Variants in GNE observed in about 807,000 individuals in gnomAD.
GNE encodes the protein bifunctional UDP-N-acetylglucosamine 2-epimerase/N-acetylmannosamine kinase.
In GNE, 41 loss-of-function variants were observed where a neutral mutation model predicts 61.8. That is an observed-to-expected ratio of 0.66 (90% CI 0.52 to 0.86). The LOEUF is 0.86. GNE is among the 40% of genes least tolerant of loss of function. The pLI, the probability that GNE is intolerant of heterozygous loss-of-function variation, is 0.00. For synonymous variants in GNE, 264 were observed against 326.4 expected, an observed-to-expected ratio of 0.81 and a Z score of 2.06; for missense variants, 608 against 909.1, an observed-to-expected ratio of 0.67 and a Z score of 4.26.
At chr9:36,266,007 G>T (rs1830768950) in intron 1 of GNE, among the ~76,000 whole-genome samples, 2 of 152,008 alleles carry the variant, frequency 1.3e-5, no homozygotes, top group South Asian at 4.2e-4. Flanking sequence ...TTGGCTTCTT[G>T]GCTCACTGTA....
At chr9:36,254,602 ATC>A (rs1212194055) in intron 1 of GNE, among the ~76,000 whole-genome samples, 19 of 152,116 alleles carry the variant, frequency 1.2e-4, no homozygotes, top group Non-Finnish European at 2.5e-4. Context: ...ATCACTTTTC[ATC>A]AGTACTTACA....
intron 7 of GNE, 123 bp from the exon 8 acceptor site, chr9:36,223,625 C>G: frequency 9.9e-7 from 1 of 1,007,552 alleles, no homozygotes; most frequent in South Asian, 1.4e-5. Flanking sequence ...TCTTAGATGA[C>G]TGCTTGGGGA....
intron 7 of GNE, among the ~76,000 whole-genome samples, chr9:36,224,743 G>A (rs1007242252): frequency 4.8e-4 from 73 of 152,204 alleles, no homozygotes; most frequent in African/African-American, 1.5e-3. Context: ...GGTGGCACAC[G>A]CCTGTAGTCT....
rs759367907 is a variant in GNE, at chr9:36,218,239, TG to T, written c.1876del (p.His626IlefsTer17). 2 of 1,614,082 alleles carry T rather than the reference TG, an allele frequency of 1.2e-6. No individual in the cohort carries two copies. The highest frequency in any genetic ancestry group is 1.7e-6 in the Non-Finnish European group (2 of 1,179,982). On this transcript the variant is annotated frameshift_variant, in exon 11 of 12. Coordinates refer to ENST00000642385, the MANE Select transcript of GNE (RefSeq NM_005476.7). LOFTEE classifies it high-confidence loss of function. The surrounding 1 kb of genome is among the most constrained non-coding windows in gnomAD (Gnocchi z 4.1). ...GCCAAGTTTCGCAGCTTGGATGAGA[TG>T]GAGCGCACCCACAGCCTCATCTTTT... ...VPKDEAVGAL[H>X]LIQAAKLGNA...
At chr9:36,251,022 T>A (rs1830088597) in intron 1 of GNE, among the ~76,000 whole-genome samples, 1 of 152,056 alleles carries the variant, frequency 6.6e-6, no homozygotes, top group African/African-American at 2.4e-5. Flanking sequence ...CACCATCTCT[T>A]CCCTGCCTAA....
intron 9 of GNE, among the ~76,000 whole-genome samples, chr9:36,222,213 T>A (rs890879986): frequency 9.2e-5 from 14 of 151,602 alleles, no homozygotes; most frequent in African/African-American, 3.2e-4. Flanking sequence ...GGTCAGGAGA[T>A]CGAGACCATC....
chr9:36,258,692 G>T (rs1193650248), upstream of GNE, among the ~76,000 whole-genome samples: 1 of 152,212 alleles, frequency 6.6e-6, no homozygotes, highest in Non-Finnish European at 1.5e-5. Flanking sequence ...TTGTGCTCCC[G>T]CCCCGAAGCG....
Position 36,215,699 on chromosome 9 carries a change from A to T in GNE, c.*1666T>A, listed in dbSNP as rs1828242661. ...GTTCAGAGCCTGGCACACAGTAGGC[A>T]CTTAATAAGTGGTGGCAGTTAGTAT... On this transcript the variant is annotated 3_prime_UTR_variant, in exon 12 of 12. Transcript: ENST00000642385. 6.6e-6 allele frequency: 1 copy of T among 152,494 alleles called. No individual in the cohort carries two copies. Among genetic ancestry groups the T allele is most frequent in the African/African-American group, 2.4e-5 (1 of 41,462 alleles). 9.4% of individuals were successfully genotyped at this position (152,494 alleles called of 1,614,324 possible).
chr9:36,249,325 G>A lies in GNE; in HGVS notation c.31C>T (p.Arg11Trp), dbSNP rs769716748. 10 of 1,613,782 alleles carry A rather than the reference G, an allele frequency of 6.2e-6. No homozygotes were observed. Among genetic ancestry groups the A allele is most frequent in the Admixed American group, 1.7e-5 (1 of 60,002 alleles). ...CGGTTACAAGTAGCAACACAAACCC[G>A]CAGCTTTCGGTTATTTCCATTCTTC... Reference protein sequence around the residue: MEKNGNNRKLRVCVATCNRAD... With the variant: MEKNGNNRKLWVCVATCNRAD... The change falls in exon 2 of 12, where the codon CGG (arginine) becomes TGG (tryptophan). Residue 11 changes from arginine to tryptophan, a missense_variant. Physicochemically the swap from Arg to Trp is moderately radical, Grantham distance 101. Transcript: ENST00000642385.
intron 3 of GNE, among the ~76,000 whole-genome samples, chr9:36,243,989 G>C (rs978149508): frequency 2.0e-5 from 3 of 150,488 alleles, no homozygotes; most frequent in Admixed American, 6.6e-5. Flanking sequence ...TTTGAGACAG[G>C]GTCTTACTCT....
At chr9:36,270,389 T>C (rs1209042058) in intron 1 of GNE, among the ~76,000 whole-genome samples, 2 of 152,150 alleles carry the variant, frequency 1.3e-5, no homozygotes, top group African/African-American at 2.4e-5. Flanking sequence ...TTATACAAAC[T>C]ATTATATCAA....
chr9:36,223,259 A>G, intron 8 of GNE, 114 bp downstream of exon 8: 1 of 1,025,378 alleles, frequency 9.8e-7, no homozygotes, highest in East Asian at 2.4e-5. Flanking sequence ...GACAGCACCT[A>G]GAGCCATCTA....
At chr9:36,261,845 C>G (rs1830627496), upstream of GNE, among the ~76,000 whole-genome samples, 1 of 151,006 alleles carries the variant, frequency 6.6e-6, no homozygotes, top group African/African-American at 2.4e-5. Flanking sequence ...ATGGCGTGAA[C>G]CCGGGAGGCG....
At chr9:36,255,948 AGG>A (rs1830315579) in intron 1 of GNE, among the ~76,000 whole-genome samples, 2 of 152,070 alleles carry the variant, frequency 1.3e-5, no homozygotes, top group African/African-American at 4.8e-5. Context: ...TTTTTGAGAC[AGG>A]GTCTCACTCT....
intron 1 of GNE, chr9:36,267,844 T>C (rs1830866613): frequency 6.6e-6 from 1 of 152,044 alleles, no homozygotes; most frequent in Non-Finnish European, 1.5e-5. Context: ...TTATTGCTAA[T>C]TGAAAGTATC....
intron 3 of GNE, among the ~76,000 whole-genome samples, chr9:36,242,281 A>T (rs570222042): frequency 5.6e-4 from 66 of 117,758 alleles, no homozygotes; most frequent in African/African-American, 1.8e-3. Flanking sequence ...TCACTGGTTT[A>T]AAGACCAAAA....
At chr9:36,222,133 T>C (rs968409264) in intron 9 of GNE, among the ~76,000 whole-genome samples, 1 of 151,976 alleles carries the variant, frequency 6.6e-6, no homozygotes, top group Non-Finnish European at 1.5e-5. Flanking sequence ...ATCAAAAACA[T>C]TTCGGCCGGG....
intron 1 of GNE, among the ~76,000 whole-genome samples, chr9:36,250,389 A>G (rs545174038): frequency 6.6e-6 from 1 of 152,326 alleles, no homozygotes; most frequent in South Asian, 2.1e-4. Flanking sequence ...TGTATGTCCT[A>G]TAAACACCTT....
At chr9:36,226,788 T>C (rs1299004274) in intron 7 of GNE, among the ~76,000 whole-genome samples, 1 of 152,228 alleles carries the variant, frequency 6.6e-6, no homozygotes, top group Non-Finnish European at 1.5e-5. Context: ...GTTAACAGAT[T>C]GAAGGTATGC....
Sources: allele counts gnomAD v4.1 joint callset (sites outside exome capture counted in the v4.1 genomes callset), GRCh38; gene constraint gnomAD v4.1.1; non-coding constraint Gnocchi (gnomAD v3.1); transcripts MANE v1.5; gene names NCBI Gene and HGNC (gene_info 2026-07-23, HGNC 2026-07-21).